TPI1: variants seen among roughly 807,000 people sequenced by gnomAD.
TPI1 encodes triosephosphate isomerase.
A neutral mutation model predicts 31.0 loss-of-function variants in TPI1; 11 were observed. That is an observed-to-expected ratio of 0.36 (90% CI 0.22 to 0.59). TPI1 has a LOEUF of 0.59. Among genes scored for constraint, TPI1 ranks in the 20% least tolerant of loss-of-function variants. TPI1 has a pLI of 0.79. For missense variants in TPI1, 245 were observed against 319.7 expected, an observed-to-expected ratio of 0.77 and a Z score of 1.78; for synonymous variants, 121 against 122.8, an observed-to-expected ratio of 0.99 and a Z score of 0.10.
At chr12:6,867,467 C>A (rs1944480867), upstream of TPI1, 1 of 1,524,662 alleles carries the variant, frequency 6.6e-7, no homozygotes, top group Non-Finnish European at 8.8e-7. Context: ...TGGCGGAGGA[C>A]GGCGAGGAGG....
Position 6,868,995 on chromosome 12 carries a change from C to A in TPI1, c.239+8C>A, listed in dbSNP as rs782359362. ...TTTTACTGGGGAGATCAGGTGAGAT[C>A]GAGGTGGAGAGGGGTGTGTGGGACC... is the stretch of plus-strand genomic sequence containing the variant. On this transcript the variant is annotated splice_region_variant and intron_variant, in intron 2 of 6. Coordinates refer to ENST00000396705, the MANE Select transcript of TPI1 (RefSeq NM_000365.6). 1.2e-4 allele frequency: 198 copies of A among 1,613,916 alleles called. 1 individual carries two copies. In the South Asian group the frequency reaches 2.1e-3, roughly 17 times the overall value.
Position 6,870,486 on chromosome 12 carries a change from G to C in TPI1, c.*103G>C, listed in dbSNP as rs1052063945. 3 of 896,452 alleles carry C rather than the reference G, an allele frequency of 3.3e-6. No individual in the cohort carries two copies. Among genetic ancestry groups the C allele is most frequent in the Non-Finnish European group, 3.8e-6 (2 of 525,984 alleles). 55.5% of individuals were successfully genotyped at this position (896,452 alleles called of 1,614,324 possible). ...GCATATGCTTCTGATGGTGTCATCT[G>C]CTCCTTCCTGTGGCCTCATCCAAAC... On this transcript the variant is annotated 3_prime_UTR_variant, in exon 7 of 7. Transcript: ENST00000396705.
At position 6,867,674 on chromosome 12, in the gene TPI1, C is replaced by T. The variant is rs1555131574; in HGVS notation, c.108C>T (p.Ala36=). ...CTCTGAACGCGGCCAAGGTGCCGGC[C>T]GACACCGGTAAGCCCTCGCCGAGGA... The part of the protein sequence containing the change: ...IGTLNAAKVP[A]DTEVVCAPPT... The change falls in exon 1 of 7, where the codon GCC becomes GCT. Residue 36 remains alanine (A), a synonymous_variant. Coordinates refer to ENST00000396705, the MANE Select transcript of TPI1 (RefSeq NM_000365.6). The T allele has an allele frequency of 1.2e-6, 2 of 1,607,900 alleles. No individual in the cohort carries two copies. The highest frequency in any genetic ancestry group is 2.3e-5 in the East Asian group (1 of 44,416).
intron 5 of TPI1, 134 bp downstream of exon 5, chr12:6,869,907 G>A: frequency 7.2e-7 from 1 of 1,383,792 alleles, no homozygotes; most frequent in Non-Finnish European, 1.0e-6. Flanking sequence ...TTGTCCAAGG[G>A]CATCCAGTCC....
Position 6,869,790 on chromosome 12 carries a change from G to T in TPI1, c.543+17G>T. The T allele has an allele frequency of 6.2e-7, 1 of 1,613,874 alleles. No homozygotes were observed. Among genetic ancestry groups the T allele is most frequent in the Non-Finnish European group, 8.5e-7 (1 of 1,179,806 alleles). ...CCCCAACAGGTAACCGGGCCCAGGA[G>T]CCCTGCCCTCATCCCAGCCTGCCTC... On this transcript the variant is annotated intron_variant, in intron 5 of 6. Coordinates refer to ENST00000396705, the MANE Select transcript of TPI1 (RefSeq NM_000365.6).
In TPI1 at chr12:6,870,283, C is replaced by A; in HGVS notation, c.650C>A (p.Thr217Asn). The change falls in exon 7 of 7, where the codon ACC becomes AAC. Residue 217 changes from threonine (T) to asparagine (N), a missense_variant. Physicochemically the swap from Thr to Asn is moderately conservative, Grantham distance 65. Around this residue, in one of 3 missense-constraint regions of TPI1, gnomAD observed 127 missense variants for 163.7 expected, o/e 0.78. Transcript: ENST00000396705. ...TTCCCAGGCTCTGTGACTGGGGCAA[C>A]CTGCAAGGAGCTGGCCAGCCAGCCT... ...IIYGGSVTGATCKELASQPDV... is the reference protein window; with the variant it reads ...IIYGGSVTGANCKELASQPDV... The A allele has an allele frequency of 6.2e-7, 1 of 1,614,152 alleles. No individual in the cohort carries two copies. Among genetic ancestry groups the A allele is most frequent in the Non-Finnish European group, 8.5e-7 (1 of 1,180,006 alleles).
rs781862806 is a variant in TPI1 at position 6,867,681 on chromosome 12, G to C, written c.115G>C (p.Glu39Gln). 2 of 1,606,700 alleles carry C rather than the reference G, an allele frequency of 1.2e-6. No individual in the cohort carries two copies. The highest frequency in any genetic ancestry group is 1.7e-6 in the Non-Finnish European group (2 of 1,176,580). Residue 39 changes from glutamate to glutamine, a missense_variant and splice_region_variant, in exon 1 of 7, where the codon GAG (glutamate) becomes CAG (glutamine). Coordinates refer to ENST00000396705, the MANE Select transcript of TPI1 (RefSeq NM_000365.6). ...LNAAKVPADT[E>Q]VVCAPPTAYI... The stretch of plus-strand genomic sequence containing the variant: ...CGCGGCCAAGGTGCCGGCCGACACC[G>C]GTAAGCCCTCGCCGAGGAGGGGTCT...
chr12:6,868,406 C>T, intron 1 of TPI1: 1 of 1,288,708 alleles, frequency 7.8e-7, no homozygotes, highest in South Asian at 1.2e-5. Flanking sequence ...CGGGCCTGAT[C>T]CAAAGAGGCA....
Position 6,867,675 on chromosome 12 carries a change from G to A in TPI1, c.109G>A (p.Asp37Asn). Residue 37 changes from aspartate to asparagine, a missense_variant, in exon 1 of 7, where the codon GAC (aspartate) becomes AAC (asparagine). Asp to Asn is a conservative substitution (Grantham distance 23). Transcript: ENST00000396705. The part of the protein sequence containing the change: ...GTLNAAKVPA[D>N]TEVVCAPPTA... ...TCTGAACGCGGCCAAGGTGCCGGCC[G>A]ACACCGGTAAGCCCTCGCCGAGGAG... The A allele has an allele frequency of 6.2e-7, 1 of 1,608,722 alleles. No individual in the cohort carries two copies. Among genetic ancestry groups the A allele is most frequent in the South Asian group, 1.1e-5 (1 of 90,526 alleles).
intron 4 of TPI1, 105 bp from the exon 5 acceptor site, chr12:6,869,582 AT>A: frequency 6.7e-7 from 1 of 1,483,972 alleles, no homozygotes; most frequent in Non-Finnish European, 9.4e-7. Context: ...AAATCCCCCA[AT>A]GTCCACTAGG....
chr12:6,869,921 G>T, intron 5 of TPI1, 128 bp from the exon 6 acceptor site: 1 of 1,377,420 alleles, frequency 7.3e-7, no homozygotes, highest in Non-Finnish European at 1.0e-6. Context: ...CCAGTCCAGG[G>T]CCTGGCTTGG....
chr12:6,868,179 C>A (rs1184822525), intron 1 of TPI1: 50 of 1,288,110 alleles, frequency 3.9e-5, no homozygotes, highest in Middle Eastern at 3.2e-4. Flanking sequence ...CTGACCCCTT[C>A]CCTTCGGCAA....
intron 1 of TPI1, among the ~76,000 whole-genome samples, 166 bp downstream of exon 1, chr12:6,867,847 C>T (rs185857286): frequency 2.2e-4 from 33 of 152,230 alleles, no homozygotes; most frequent in Non-Finnish European, 3.8e-4. Flanking sequence ...GCCTCGCAGC[C>T]GCAGCCCCGT....
rs1555132538 is a variant in TPI1, at chr12:6,870,153, C to G, written c.631+17C>G. ...TTTATGGAGGTGAGTGGCTTTGGTT[C>G]CCGGCTGAGGTGGAGTGGGCTGAGG... is the stretch of plus-strand genomic sequence containing the variant. On this transcript the variant is annotated intron_variant, in intron 6 of 6. Transcript: ENST00000396705. 2.5e-6 allele frequency: 4 copies of G among 1,612,588 alleles called. No individual in the cohort carries two copies. The highest frequency in any genetic ancestry group is 1.7e-5 in the Admixed American group (1 of 59,990).
chr12:6,868,281 C>T lies in TPI1; in HGVS notation c.116-583C>T, dbSNP rs967373271. 31 of 1,287,616 alleles carry T rather than the reference C, an allele frequency of 2.4e-5. No homozygotes were observed. In the African/African-American group the frequency reaches 3.9e-4, roughly 16 times the overall value. The allele number at this position is 1,287,616 out of a possible 1,614,324, so 79.8% of individuals were successfully genotyped here. ...GTGAGGAGCCATCCTACCGCTTTCC[C>T]CAACCTGGAAACAGCAAAGCGCAAG... On this transcript the variant is annotated intron_variant, in intron 1 of 6. Transcript: ENST00000396705.
rs1242947416 is a variant in TPI1, at chr12:6,870,684, G to A, written c.*301G>A. 1 of 599,802 alleles carries A rather than the reference G, an allele frequency of 1.7e-6. No homozygotes were observed. Among genetic ancestry groups the A allele is most frequent in the Non-Finnish European group, 3.2e-6 (1 of 313,634 alleles). 37.2% of individuals were successfully genotyped at this position (599,802 alleles called of 1,614,324 possible). On this transcript the variant is annotated 3_prime_UTR_variant, in exon 7 of 7. Coordinates refer to ENST00000396705, the MANE Select transcript of TPI1 (RefSeq NM_000365.6). ...CTGGGTTCCCTAGGCCCTAGTGAGG[G>A]CAGAAGAGAAACCATCCTCTCCCTT...
Position 6,868,884 on chromosome 12 carries a change from A to G in TPI1, c.136A>G (p.Thr46Ala), listed in dbSNP as rs1944516716. The change falls in exon 2 of 7, where the codon ACT becomes GCT. Residue 46 changes from threonine to alanine, a missense_variant. Physicochemically the swap from Thr to Ala is moderately conservative, Grantham distance 58. Coordinates refer to ENST00000396705, the MANE Select transcript of TPI1 (RefSeq NM_000365.6). ...CTCAGAGGTGGTTTGTGCTCCCCCT[A>G]CTGCCTATATCGACTTCGCCCGGCA... ...ADTEVVCAPP[T>A]AYIDFARQKL... 6.2e-7 allele frequency: 1 copy of G among 1,613,604 alleles called. No individual in the cohort carries two copies. The highest frequency in any genetic ancestry group is 1.7e-5 in the Admixed American group (1 of 59,972).
chr12:6,867,587 C>A lies in TPI1; in HGVS notation c.21C>A (p.Phe7Leu). 6.2e-7 allele frequency: 1 copy of A among 1,612,974 alleles called. No homozygotes were observed. The highest frequency in any genetic ancestry group is 8.5e-7 in the Non-Finnish European group (1 of 1,179,744). Residue 7 changes from phenylalanine (F) to leucine (L), a missense_variant, in exon 1 of 7, where the codon TTC (phenylalanine) becomes TTA (leucine). By Grantham distance (22) the Phe-to-Leu change is conservative. Around this residue, in one of 3 missense-constraint regions of TPI1, gnomAD observed 95 missense variants for 96.4 expected, o/e 0.99. Coordinates refer to ENST00000396705, the MANE Select transcript of TPI1 (RefSeq NM_000365.6). Reference protein sequence around the residue: MAPSRKFFVGGNWKMNG... With the variant: MAPSRKLFVGGNWKMNG... ...GCGCCATGGCGCCCTCCAGGAAGTT[C>A]TTCGTTGGGGGAAACTGGAAGATGA...
In TPI1 at chr12:6,868,953, A is replaced by G. The variant is rs1249197968; in HGVS notation, c.205A>G (p.Lys69Glu). 6.2e-7 allele frequency: 1 copy of G among 1,614,076 alleles called. No homozygotes were observed. Among genetic ancestry groups the G allele is most frequent in the Non-Finnish European group, 8.5e-7 (1 of 1,180,032 alleles). ...KIAVAAQNCY[K>E]VTNGAFTGEI... ...TGCTGTGGCTGCGCAGAACTGCTACAAAGTGACTAATGGGGCTTTTACTGG... is the reference window on the plus strand; with the variant it reads ...TGCTGTGGCTGCGCAGAACTGCTACGAAGTGACTAATGGGGCTTTTACTGG... Residue 69 changes from lysine to glutamate, a missense_variant, in exon 2 of 7, where the codon AAA becomes GAA. This residue lies in a region of TPI1 where 95 missense variants were observed against 96.4 expected (regional missense o/e 0.99). Coordinates refer to ENST00000396705, the MANE Select transcript of TPI1 (RefSeq NM_000365.6).
Sources: allele counts gnomAD v4.1 joint callset (sites outside exome capture counted in the v4.1 genomes callset), GRCh38; gene constraint gnomAD v4.1.1; regional missense constraint gnomAD v4.1.1; transcripts MANE v1.5; gene names NCBI Gene and HGNC (gene_info 2026-07-23, HGNC 2026-07-21).